Variants in RALGAPA2 observed in about 807,000 individuals in gnomAD.
RALGAPA2 encodes Ral GTPase activating protein catalytic subunit alpha 2, also known as ral GTPase-activating protein subunit alpha-2.
RALGAPA2 carries 139 observed loss-of-function variants against 230.4 expected under a neutral mutation model. The observed-to-expected ratio is 0.60, with a 90% CI of 0.53 to 0.69. RALGAPA2 has a LOEUF of 0.69. Among genes scored for constraint, RALGAPA2 ranks in the 30% least tolerant of loss-of-function variants. The probability of loss-of-function intolerance (pLI) is 0.00; values close to 1 mark genes in which losing one functional copy is unlikely to be tolerated. For missense variants in RALGAPA2, 2,163 were observed against 2,276.0 expected, an observed-to-expected ratio of 0.95 and a Z score of 1.01; for synonymous variants, 847 against 837.8, an observed-to-expected ratio of 1.01 and a Z score of -0.19.
Position 20,582,993 on chromosome 20 carries a change from T to A in RALGAPA2, c.2707+57A>T, listed in dbSNP as rs149625818. On this transcript the variant is annotated intron_variant, in intron 20 of 39. Transcript: ENST00000202677. ...CCTCTGTATACAAGACTCCAATGAT[T>A]CACAACTGATCTCCCAGCTGTTTGC... The A allele has an allele frequency of 2.6e-6, 4 of 1,546,290 alleles. No individual in the cohort carries two copies. The African/African-American group carries it at 5.4e-5, about 21-fold the overall frequency.
intron 24 of RALGAPA2, among the ~76,000 whole-genome samples, chr20:20,543,578 T>C (rs1457211733): frequency 1.3e-5 from 2 of 152,082 alleles, no homozygotes; most frequent in Non-Finnish European, 2.9e-5. Context: ...ATGTCCTTTG[T>C]AGGAACATGG....
chr20:20,495,144 G>A lies in RALGAPA2; in HGVS notation c.5340C>T (p.Phe1780=). The A allele has an allele frequency of 6.2e-7, 1 of 1,608,800 alleles. No homozygotes were observed. ...CAGGTTTCTTCGTTATCGCGATGAA[G>A]AACATGTGATTCTTCATTGGGTAAA... ...IIIYPMKNHM[F]FIAITKKPEV... Residue 1780 remains phenylalanine, a synonymous_variant, in exon 36 of 40, where the codon TTC becomes TTT. Coordinates refer to ENST00000202677, the MANE Select transcript of RALGAPA2 (RefSeq NM_020343.4).
chr20:20,441,571 G>C (rs758084304), intron 37 of RALGAPA2, among the ~76,000 whole-genome samples: 26 of 152,196 alleles, frequency 1.7e-4, no homozygotes, highest in Non-Finnish European at 3.4e-4. Flanking sequence ...CTCAAGACCA[G>C]CGGGGGTTGC....
rs747830846 is a variant in RALGAPA2 at position 20,526,302 on chromosome 20, A to G, written c.3643T>C (p.Trp1215Arg). The G allele has an allele frequency of 6.8e-6, 11 of 1,609,264 alleles. No individual in the cohort carries two copies. Among genetic ancestry groups the G allele is most frequent in the Admixed American group, 5.1e-5 (3 of 58,978 alleles). ...CDVLQLLVSY[W>R]EKLQMFETSL... is the part of the protein sequence containing the mutation. ...GTTTCAAACATCTGAAGCTTCTCCCAGTAGGAAACCAGCAACTGAAGGACA... is the reference window on the plus strand; with the variant it reads ...GTTTCAAACATCTGAAGCTTCTCCCGGTAGGAAACCAGCAACTGAAGGACA... Residue 1215 changes from tryptophan to arginine, a missense_variant, in exon 28 of 40, where the codon TGG becomes CGG. Trp to Arg is a moderately radical substitution (Grantham distance 101). Coordinates refer to ENST00000202677, the MANE Select transcript of RALGAPA2 (RefSeq NM_020343.4).
At position 20,499,952 on chromosome 20, in the gene RALGAPA2, A is replaced by G. The variant is rs533747328; in HGVS notation, c.5208+3399T>C. On this transcript the variant is annotated intron_variant, in intron 35 of 39. Coordinates refer to ENST00000202677, the MANE Select transcript of RALGAPA2 (RefSeq NM_020343.4). ...GATATTGCAATAAAGCAAATCATAT[A>G]AACTTTTGTGTGCACTGGGAAAGCA... Among the ~76,000 whole-genome samples, 6 of 152,362 alleles carry G rather than the reference A, an allele frequency of 3.9e-5. No homozygotes were observed. In the East Asian group the frequency reaches 1.2e-3, roughly 29 times the overall value.
At position 20,712,264 on chromosome 20, in the gene RALGAPA2, A is replaced by ACCCCCCCCCCC; in HGVS notation, c.106+110_106+111insGGGGGGGGGGG. The ACCCCCCCCCCC allele has an allele frequency of 5.8e-6, 2 of 347,762 alleles. No homozygotes were observed. The highest frequency in any genetic ancestry group is 1.1e-5 in the Non-Finnish European group (2 of 183,388). 21.5% of individuals were successfully genotyped at this position (347,762 alleles called of 1,614,324 possible). A position where few individuals can be genotyped will look rare whatever the true frequency, so the allele number is the denominator to read the frequency against. ...ATCCAGGGAAGGGGGTCGGACGCCC[A>ACCCCCCCCCCC]CCCATCCCCCTCCCCAGCCTCCCAG... On this transcript the variant is annotated intron_variant, in intron 1 of 39. Transcript: ENST00000202677. The surrounding 1 kb of genome is among the most constrained non-coding windows in gnomAD (Gnocchi z 5.5).
At chr20:20,474,050 G>A (rs1440965275) in intron 36 of RALGAPA2, among the ~76,000 whole-genome samples, 1 of 152,192 alleles carries the variant, frequency 6.6e-6, no homozygotes, top group Non-Finnish European at 1.5e-5. Flanking sequence ...CAGGAAAAGT[G>A]CTAAGGTAAA....
chr20:20,679,625 T>C (rs2068453410), intron 2 of RALGAPA2, among the ~76,000 whole-genome samples: 1 of 150,958 alleles, frequency 6.6e-6, no homozygotes, highest in Non-Finnish European at 1.5e-5. Context: ...AAAAAAAAAA[T>C]GCATTTCCCA....
At chr20:20,584,803 T>C (rs759203849) in intron 19 of RALGAPA2, 62 bp downstream of exon 19, 8 of 1,263,870 alleles carry the variant, frequency 6.3e-6, no homozygotes, top group Non-Finnish European at 9.0e-6. Context: ...TAATAAAATG[T>C]AAAAAGAAAA....
Position 20,505,856 on chromosome 20 carries a change from A to AT in RALGAPA2, c.4929-323dup, listed in dbSNP as rs765044650. ...GCTTCCTGAGACCATACCCTCAGAC[A>AT]TAAGATACACCGACCAGAAGGCTGG... On this transcript the variant is annotated intron_variant, in intron 33 of 39. Transcript: ENST00000202677. Among the ~76,000 whole-genome samples the AT allele has an allele frequency of 3.7e-4, 57 of 152,350 alleles. 1 individual carries two copies. Among genetic ancestry groups the AT allele is most frequent in the Admixed American group, 2.1e-3 (32 of 15,312 alleles).
chr20:20,630,940 C>T (rs942418557), intron 9 of RALGAPA2, among the ~76,000 whole-genome samples: 1 of 152,056 alleles, frequency 6.6e-6, no homozygotes, highest in Non-Finnish European at 1.5e-5. Flanking sequence ...AAAATATGCA[C>T]ATAGATAGCA....
intron 1 of RALGAPA2, among the ~76,000 whole-genome samples, chr20:20,694,617 G>A (rs2069039160): frequency 6.6e-6 from 1 of 152,138 alleles, no homozygotes; most frequent in Non-Finnish European, 1.5e-5. Context: ...AGGGAATTTT[G>A]TTATAGGAGT....
intron 37 of RALGAPA2, among the ~76,000 whole-genome samples, chr20:20,451,340 T>C (rs1004727652): frequency 6.6e-6 from 1 of 152,128 alleles, no homozygotes; most frequent in African/African-American, 2.4e-5. Flanking sequence ...AAACATCAAT[T>C]CTGAGTGTCT....
chr20:20,432,041 G>A (rs1271079833), intron 37 of RALGAPA2, among the ~76,000 whole-genome samples: 1 of 152,130 alleles, frequency 6.6e-6, no homozygotes, highest in African/African-American at 2.4e-5. Flanking sequence ...TTATATTTTG[G>A]TCATTAAAGT....
At chr20:20,522,252 A>G (rs76465782) in intron 30 of RALGAPA2, among the ~76,000 whole-genome samples, 2 of 146,404 alleles carry the variant, frequency 1.4e-5, no homozygotes, top group African/African-American at 5.1e-5. Context: ...TATATGTACA[A>G]AAAAAAAAAA....
chr20:20,413,093 A>G (rs1413632405), intron 37 of RALGAPA2, among the ~76,000 whole-genome samples: 1 of 152,204 alleles, frequency 6.6e-6, no homozygotes, highest in African/African-American at 2.4e-5. Flanking sequence ...CTCATTATCA[A>G]TGCAAAAGTT....
intron 37 of RALGAPA2, among the ~76,000 whole-genome samples, chr20:20,435,186 G>A (rs956565623): frequency 6.6e-6 from 1 of 152,232 alleles, no homozygotes; most frequent in African/African-American, 2.4e-5. Context: ...CAGCCACCTG[G>A]GTGTTGATGC....
chr20:20,606,692 CA>C (rs2065832638), intron 14 of RALGAPA2, among the ~76,000 whole-genome samples: 1 of 152,180 alleles, frequency 6.6e-6, no homozygotes, highest in South Asian at 2.1e-4. Flanking sequence ...ATTTTCCCCC[CA>C]TCAATGCACC....
intron 38 of RALGAPA2, among the ~76,000 whole-genome samples, chr20:20,406,802 C>T (rs959112252): frequency 6.6e-6 from 1 of 152,132 alleles, no homozygotes; most frequent in Non-Finnish European, 1.5e-5. Context: ...GTTCCAGCTA[C>T]TCAGGAGGCT....
Sources: gnomAD v4.1 joint callset for allele counts (sites outside exome capture counted in the v4.1 genomes callset) on GRCh38, gnomAD v4.1.1 for gene constraint, Gnocchi (gnomAD v3.1) non-coding constraint, MANE v1.5 for transcripts, NCBI Gene and HGNC (gene_info 2026-07-23, HGNC 2026-07-21) for gene names.